The following CHRM3 variants were observed in gnomAD, a reference collection of about 807,000 sequenced individuals.
CHRM3 encodes the protein cholinergic receptor muscarinic 3, also known as muscarinic acetylcholine receptor M3.
Under a neutral mutation model 41.8 loss-of-function variants are expected in CHRM3, and 11 were observed. The ratio of observed to expected loss-of-function variants is 0.26; its 90% CI spans 0.17 to 0.44. The LOEUF (loss-of-function observed/expected upper bound fraction) is 0.44. CHRM3 is among the 20% of genes least tolerant of loss of function. The pLI is 1.00. For synonymous variants in CHRM3, 297 were observed against 301.4 expected (o/e 0.99, Z 0.15); for missense variants, 571 against 745.4 (o/e 0.77, Z 2.72).
At chr1:239,532,863 A>G (rs901790588) in intron 2 of CHRM3, among the ~76,000 whole-genome samples, 1 of 152,170 alleles carries the variant, frequency 6.6e-6, no homozygotes, top group African/African-American at 2.4e-5. Flanking sequence ...AGATTCAGCT[A>G]AAATATTATC....
At chr1:239,536,878 GTA>G (rs1403401537) in intron 2 of CHRM3, among the ~76,000 whole-genome samples, 1 of 152,170 alleles carries the variant, frequency 6.6e-6, no homozygotes, top group Non-Finnish European at 1.5e-5. Flanking sequence ...CAATCTAAAT[GTA>G]TATTTTGCAA....
intron 1 of CHRM3, among the ~76,000 whole-genome samples, chr1:239,467,707 G>T (rs1321416458): frequency 6.6e-6 from 1 of 152,180 alleles, no homozygotes; most frequent in Non-Finnish European, 1.5e-5. Context: ...TTATTTTAAA[G>T]TGCACAGCTA....
intron 6 of CHRM3, among the ~76,000 whole-genome samples, chr1:239,858,274 G>C (rs975877282): frequency 2.6e-5 from 4 of 152,144 alleles, no homozygotes; most frequent in Non-Finnish European, 5.9e-5. Flanking sequence ...TTCACTCTAA[G>C]TATATGTTGA....
intron 4 of CHRM3, among the ~76,000 whole-genome samples, chr1:239,657,253 C>T (rs1672797235): frequency 6.6e-6 from 1 of 152,152 alleles, no homozygotes; most frequent in South Asian, 2.1e-4. Flanking sequence ...AGCTGGAATA[C>T]CCAAAATGTC....
In CHRM3 at chr1:239,897,170, T is replaced by C. The variant is rs1384108477; in HGVS notation, c.-19-10263T>C. ...AGGCGTTTAATGCGCGCCTCCCACA[T>C]TGCTTCTACTCTCTTTGCAAATATA... is the stretch of plus-strand genomic sequence containing the variant. On this transcript the variant is annotated intron_variant, in intron 6 of 6. Coordinates refer to ENST00000676153, the MANE Select transcript of CHRM3 (RefSeq NM_001375978.1). Among the ~76,000 whole-genome samples, 3 of 152,202 alleles carry C rather than the reference T, an allele frequency of 2.0e-5. No homozygotes were observed. The East Asian group carries it at 5.8e-4, about 29-fold the overall frequency.
In CHRM3 at chr1:239,400,187, G is replaced by T. The variant is rs573820697; in HGVS notation, c.-521+12960G>T. On this transcript the variant is annotated intron_variant, in intron 1 of 6. Transcript: ENST00000676153. Reference sequence around the variant, plus strand: ...GCCTTCCAAAGTGTGGGGATTACAGGCGTGAGCCATGACTCTTGGCCGCTA... The same window carrying T: ...GCCTTCCAAAGTGTGGGGATTACAGTCGTGAGCCATGACTCTTGGCCGCTA... Among the ~76,000 whole-genome samples, 190 of 152,342 alleles carry T rather than the reference G, an allele frequency of 1.2e-3. 1 individual carries two copies. The Middle Eastern group carries it at 0.014, about 11-fold the overall frequency.
chr1:239,390,463 A>G (rs1207510042), intron 1 of CHRM3, among the ~76,000 whole-genome samples: 1 of 152,204 alleles, frequency 6.6e-6, no homozygotes, highest in African/African-American at 2.4e-5. Flanking sequence ...GAAAGGCCCT[A>G]TCTTCTCCAT....
intron 2 of CHRM3, among the ~76,000 whole-genome samples, chr1:239,530,047 G>A (rs547280230): frequency 6.6e-5 from 10 of 151,968 alleles, no homozygotes; most frequent in Middle Eastern, 3.4e-3. Flanking sequence ...GCAGGTGCCC[G>A]CCACCATGCC....
At chr1:239,479,536 G>A (rs934426200) in intron 1 of CHRM3, among the ~76,000 whole-genome samples, 2 of 152,160 alleles carry the variant, frequency 1.3e-5, no homozygotes, top group African/African-American at 2.4e-5. Flanking sequence ...TAAGTTCTGA[G>A]AAATGTGTTC....
chr1:239,521,782 A>G (rs1364612409), intron 2 of CHRM3, among the ~76,000 whole-genome samples: 1 of 152,214 alleles, frequency 6.6e-6, no homozygotes, highest in East Asian at 1.9e-4. Flanking sequence ...ACGTACAACA[A>G]TAAATAATAG....
intron 6 of CHRM3, among the ~76,000 whole-genome samples, chr1:239,884,867 G>A (rs1027990442): frequency 6.6e-5 from 10 of 152,110 alleles, no homozygotes; most frequent in Admixed American, 2.6e-4. Flanking sequence ...GATAAACAGC[G>A]AATTCTTGTT....
intron 5 of CHRM3, among the ~76,000 whole-genome samples, chr1:239,700,790 T>C (rs1245847684): frequency 6.6e-6 from 1 of 152,158 alleles, no homozygotes; most frequent in Non-Finnish European, 1.5e-5. Context: ...TAAGAAGTGT[T>C]TCCTTATCTA....
intron 3 of CHRM3, among the ~76,000 whole-genome samples, chr1:239,566,769 TC>T (rs1156943852): frequency 2.0e-5 from 3 of 152,210 alleles, no homozygotes; most frequent in Non-Finnish European, 2.9e-5. Context: ...GTTTAGGCCC[TC>T]CAGCACTACC....
intron 3 of CHRM3, among the ~76,000 whole-genome samples, chr1:239,627,616 G>C (rs908110733): frequency 2.1e-5 from 3 of 142,344 alleles, no homozygotes; most frequent in African/African-American, 8.1e-5. Context: ...TTTACATTTT[G>C]GCATGATTTT....
intron 5 of CHRM3, among the ~76,000 whole-genome samples, chr1:239,724,182 C>T (rs553844509): frequency 3.4e-4 from 51 of 151,790 alleles, no homozygotes; most frequent in African/African-American, 1.1e-3. Flanking sequence ...AGGGCATGGA[C>T]GCATCCTGGC....
chr1:239,889,457 CT>C (rs1024702121), intron 6 of CHRM3, among the ~76,000 whole-genome samples: 7 of 152,106 alleles, frequency 4.6e-5, no homozygotes, highest in Non-Finnish European at 8.8e-5. Flanking sequence ...CTAGGTAGCC[CT>C]TTTCTATTGG....
intron 5 of CHRM3, among the ~76,000 whole-genome samples, chr1:239,799,081 A>G (rs1210155248): frequency 2.0e-5 from 3 of 152,284 alleles, no homozygotes; most frequent in African/African-American, 7.2e-5. Flanking sequence ...AGAAGAGAAG[A>G]CCAGATATGC....
chr1:239,607,793 T>C (rs1558369507), intron 3 of CHRM3, among the ~76,000 whole-genome samples: 1 of 152,362 alleles, frequency 6.6e-6, no homozygotes, highest in East Asian at 1.9e-4. Context: ...TGAAGTCTTT[T>C]TTTAATGCAA....
chr1:239,605,631 G>C (rs1206578470), intron 3 of CHRM3, among the ~76,000 whole-genome samples: 9 of 152,106 alleles, frequency 5.9e-5, no homozygotes, highest in Admixed American at 6.5e-5. Context: ...AAAAGAATTT[G>C]TCCCATTAGA....
Sources: allele counts gnomAD v4.1 joint callset (sites outside exome capture counted in the v4.1 genomes callset), GRCh38; gene constraint gnomAD v4.1.1; transcripts MANE v1.5; gene names NCBI Gene and HGNC (gene_info 2026-07-23, HGNC 2026-07-21).